Variants in MRPS28 observed in about 807,000 individuals in gnomAD.
MRPS28 encodes small ribosomal subunit protein bS1m.
A neutral mutation model predicts 10.8 loss-of-function variants in MRPS28; 7 were observed. That is an observed-to-expected ratio of 0.65 (90% CI 0.37 to 1.22). The LOEUF is 1.22. MRPS28 is among the 50% of genes most tolerant of loss of function. The probability of loss-of-function intolerance (pLI) is 0.02; values close to 1 mark genes in which losing one functional copy is unlikely to be tolerated. For missense variants in MRPS28, 265 were observed against 232.9 expected (o/e 1.14, Z -0.90); for synonymous variants, 121 against 93.3 (o/e 1.30, Z -1.71).
chr8:80,003,531 C>T (rs1364850264), intron 1 of MRPS28, among the ~76,000 whole-genome samples: 2 of 152,124 alleles, frequency 1.3e-5, no homozygotes, highest in Middle Eastern at 3.2e-3. Context: ...CCAAGATGGC[C>T]GAATAGGAAC....
chr8:79,994,918 G>A (rs1808461358), intron 2 of MRPS28, among the ~76,000 whole-genome samples: 1 of 152,046 alleles, frequency 6.6e-6, no homozygotes, highest in South Asian at 2.1e-4. Context: ...ACTTGTTCAA[G>A]TGCTGCTCCT....
intron 1 of MRPS28, among the ~76,000 whole-genome samples, chr8:80,015,750 C>T (rs531169442): frequency 6.6e-6 from 1 of 152,234 alleles, no homozygotes; most frequent in Admixed American, 6.5e-5. Flanking sequence ...GTCCAGGCAT[C>T]TAATACAACT....
intron 2 of MRPS28, among the ~76,000 whole-genome samples, chr8:79,934,269 C>T (rs1334264096): frequency 1.3e-5 from 2 of 152,146 alleles, no homozygotes; most frequent in Non-Finnish European, 1.5e-5. Flanking sequence ...ATGGTTCTTA[C>T]AAAGTCTAAA....
At chr8:80,029,827 T>A in intron 1 of MRPS28, 4 of 1,532,684 alleles carry the variant, frequency 2.6e-6, no homozygotes, top group Non-Finnish European at 3.5e-6. Flanking sequence ...AGTACGCAAA[T>A]GCCACACAAA....
At chr8:80,001,895 T>C (rs372441720) in intron 2 of MRPS28, among the ~76,000 whole-genome samples, 22 of 152,154 alleles carry the variant, frequency 1.4e-4, no homozygotes, top group African/African-American at 4.1e-4. Context: ...TTCGGTGACA[T>C]CATGTTGGTG....
intron 1 of MRPS28, among the ~76,000 whole-genome samples, chr8:80,008,666 T>G (rs1422024180): frequency 6.6e-6 from 1 of 152,000 alleles, no homozygotes; most frequent in Non-Finnish European, 1.5e-5. Context: ...AAAAGACACA[T>G]GAAAAAATGT....
intron 2 of MRPS28, among the ~76,000 whole-genome samples, chr8:79,934,166 G>C (rs896974701): frequency 1.3e-5 from 2 of 152,146 alleles, no homozygotes; most frequent in Non-Finnish European, 1.5e-5. Context: ...ATTAGGAGCA[G>C]TGTAATCTGG....
intron 2 of MRPS28, among the ~76,000 whole-genome samples, chr8:79,945,741 T>A (rs1336894570): frequency 1.3e-5 from 2 of 152,194 alleles, no homozygotes; most frequent in Non-Finnish European, 2.9e-5. Context: ...GTTAACATAA[T>A]GAATTACTTC....
At chr8:80,018,811 G>A (rs1455392127) in intron 1 of MRPS28, among the ~76,000 whole-genome samples, 1 of 152,160 alleles carries the variant, frequency 6.6e-6, no homozygotes, top group African/African-American at 2.4e-5. Context: ...CTACTATTCA[G>A]TCATAAAAAA....
In MRPS28 at chr8:79,954,235, T is replaced by C. The variant is rs558775492; in HGVS notation, c.396-35087A>G. ...TAAAAAAAAATTAAAAATTAAAACA[T>C]AAAAATTAAACCATAAAAAATATAG... is the stretch of plus-strand genomic sequence containing the variant. On this transcript the variant is annotated intron_variant, in intron 2 of 2. Transcript: ENST00000276585. Among the ~76,000 whole-genome samples, 10 of 152,132 alleles carry C rather than the reference T, an allele frequency of 6.6e-5. No individual in the cohort carries two copies. In the East Asian group the frequency reaches 1.2e-3, roughly 18 times the overall value.
At chr8:79,991,722 C>A (rs1307663771) in intron 2 of MRPS28, among the ~76,000 whole-genome samples, 1 of 152,166 alleles carries the variant, frequency 6.6e-6, no homozygotes, top group Non-Finnish European at 1.5e-5. Flanking sequence ...GCTTTGTTCA[C>A]ACACAGAAAT....
intron 2 of MRPS28, among the ~76,000 whole-genome samples, chr8:79,981,089 G>C (rs1807940666): frequency 6.6e-6 from 1 of 152,224 alleles, no homozygotes; most frequent in East Asian, 1.9e-4. Flanking sequence ...AGCACTCTGG[G>C]AGGCCGAAGC....
chr8:79,947,891 C>A (rs957903780), intron 2 of MRPS28, among the ~76,000 whole-genome samples: 1 of 151,518 alleles, frequency 6.6e-6, no homozygotes, highest in Non-Finnish European at 1.5e-5. Flanking sequence ...CCTGCCTCGG[C>A]CTCCCAAAGT....
intron 2 of MRPS28, among the ~76,000 whole-genome samples, chr8:79,985,485 G>A (rs1050822223): frequency 1.1e-4 from 16 of 152,074 alleles, no homozygotes; most frequent in African/African-American, 3.6e-4. Context: ...ATGAATCCAG[G>A]AGCTGGTTTT....
At chr8:79,972,960 C>A (rs1226959085) in intron 2 of MRPS28, among the ~76,000 whole-genome samples, 1 of 152,020 alleles carries the variant, frequency 6.6e-6, no homozygotes, top group Admixed American at 6.5e-5. Flanking sequence ...AAATCTATTG[C>A]CAGGTGATTT....
intron 2 of MRPS28, among the ~76,000 whole-genome samples, chr8:79,985,094 T>A (rs886776290): frequency 1.3e-5 from 2 of 152,056 alleles, no homozygotes; most frequent in African/African-American, 4.8e-5. Context: ...CACAGTGCAA[T>A]CAAACTACAA....
intron 1 of MRPS28, among the ~76,000 whole-genome samples, chr8:80,006,493 GA>G (rs1808850731): frequency 6.6e-6 from 1 of 152,032 alleles, no homozygotes; most frequent in Non-Finnish European, 1.5e-5. Context: ...CTGGTTTTTT[GA>G]AAGGATCAAC....
At chr8:79,953,193 T>A (rs193233163) in intron 2 of MRPS28, among the ~76,000 whole-genome samples, 1 of 152,148 alleles carries the variant, frequency 6.6e-6, no homozygotes, top group Non-Finnish European at 1.5e-5. Flanking sequence ...CTCTCTTTTT[T>A]AAAAAATACA....
intron 2 of MRPS28, among the ~76,000 whole-genome samples, chr8:79,964,466 G>A (rs1807454023): frequency 6.6e-6 from 1 of 152,080 alleles, no homozygotes; most frequent in South Asian, 2.1e-4. Context: ...AAGCTCAATT[G>A]CTAAATGAAA....
Sources: allele counts gnomAD v4.1 joint callset (sites outside exome capture counted in the v4.1 genomes callset), GRCh38; gene constraint gnomAD v4.1.1; transcripts MANE v1.5; gene names NCBI Gene and HGNC (gene_info 2026-07-23, HGNC 2026-07-21).